RIMBP2: variants seen among roughly 807,000 people sequenced by gnomAD.
RIMBP2 encodes RIMS-binding protein 2.
A neutral mutation model predicts 118.6 loss-of-function variants in RIMBP2; 48 were observed. That is an observed-to-expected ratio of 0.40 (90% CI 0.32 to 0.51). The LOEUF (loss-of-function observed/expected upper bound fraction) is 0.51, where lower values mean the gene tolerates loss of function less well. Ranked by LOEUF, RIMBP2 falls within the 20% of genes least tolerant of loss-of-function variation. The pLI is 0.41. For missense variants in RIMBP2, 1,551 were observed against 1,768.3 expected (o/e 0.88, Z 2.20); for synonymous variants, 762 against 742.9 (o/e 1.03, Z -0.42).
Position 130,456,545 on chromosome 12 carries a change from G to T in RIMBP2, c.309C>A (p.Ser103Arg), listed in dbSNP as rs1051427511. ...CATTCATGAACTGTGGGAAAGGCTT[G>T]CTGGGGGCCGTGGAGATGTCCAGGG... ...VAPLDISTAP[S>R]KPFPQFMNGL... Residue 103 changes from serine to arginine, a missense_variant, in exon 7 of 23, where the codon AGC becomes AGA. Ser to Arg is a moderately radical substitution (Grantham distance 110). Around this residue, in one of 5 missense-constraint regions of RIMBP2, gnomAD observed 239 missense variants for 256.8 expected, o/e 0.93. Coordinates refer to ENST00000690449, the MANE Select transcript of RIMBP2 (RefSeq NM_001393629.1). 1.4e-5 allele frequency: 22 copies of T among 1,610,130 alleles called. No individual in the cohort carries two copies. Among genetic ancestry groups the T allele is most frequent in the Non-Finnish European group, 1.9e-5 (22 of 1,177,018 alleles).
chr12:130,583,812 TCATCACCA>T, intron 2 of RIMBP2, among the ~76,000 whole-genome samples: 1 of 86,436 alleles, frequency 1.2e-5, no homozygotes, highest in Non-Finnish European at 2.2e-5. Flanking sequence ...CGCCATCACC[TCATCACCA>T]CCACCCCCAT....
At position 130,622,467 on chromosome 12, in the gene RIMBP2, TCTA is replaced by T. The variant is rs1334959278; in HGVS notation, c.-217+5852_-217+5854del. On this transcript the variant is annotated intron_variant, in intron 2 of 22. Transcript: ENST00000690449. The surrounding 1 kb of genome is among the most constrained non-coding windows in gnomAD (Gnocchi z 8.5). ...TATTCACTAATTGTACGTATAATTC[TCTA>T]CTATTTTTCATATATTTATATATAA... Among the ~76,000 whole-genome samples, 7 of 152,172 alleles carry T rather than the reference TCTA, an allele frequency of 4.6e-5. No individual in the cohort carries two copies. The South Asian group carries it at 6.2e-4, about 14-fold the overall frequency.
At chr12:130,685,883 G>T (rs1040315291) in intron 1 of RIMBP2, among the ~76,000 whole-genome samples, 2 of 152,120 alleles carry the variant, frequency 1.3e-5, no homozygotes, top group Non-Finnish European at 2.9e-5. Context: ...AACAAAATGC[G>T]CATCAGCCAA....
intron 4 of RIMBP2, among the ~76,000 whole-genome samples, chr12:130,482,861 C>T (rs1204842584): frequency 4.8e-4 from 50 of 103,850 alleles, no homozygotes; most frequent in African/African-American, 5.2e-4. Context: ...CATCCAAATA[C>T]ACCCATTGTG....
intron 20 of RIMBP2, among the ~76,000 whole-genome samples, chr12:130,407,306 A>G (rs4759457): frequency 0.89 from 135,746 of 152,252 alleles, 61,008 homozygotes; most frequent in East Asian, 1. Flanking sequence ...AAGCTGTGCC[A>G]GGCGACACAA....
At chr12:130,407,560 C>T (rs1199346377) in intron 20 of RIMBP2, among the ~76,000 whole-genome samples, 166 bp downstream of exon 20, 2 of 152,188 alleles carry the variant, frequency 1.3e-5, no homozygotes, top group Admixed American at 6.5e-5. Context: ...TTCTCTCCTG[C>T]GTGGCCATGT....
Position 130,424,514 on chromosome 12 carries a change from G to A in RIMBP2, c.2757C>T (p.Ser919=), listed in dbSNP as rs773294060. ...CCTCTTCACTCCCACAGTCCAGGCCGCTGTCCGGGCTCCGGGTGGCCGAGC... is the reference window on the plus strand; with the variant it reads ...CCTCTTCACTCCCACAGTCCAGGCCACTGTCCGGGCTCCGGGTGGCCGAGC... ...FSRSATRSPD[S]GLDCGSEEDE... is the part of the protein sequence containing the mutation. The change falls in exon 16 of 23, where the codon AGC becomes AGT. Residue 919 remains serine (S), a synonymous_variant. Coordinates refer to ENST00000690449, the MANE Select transcript of RIMBP2 (RefSeq NM_001393629.1). The surrounding 1 kb of genome is among the most constrained non-coding windows in gnomAD (Gnocchi z 9.8). 1.5e-4 allele frequency: 188 copies of A among 1,231,864 alleles called. No homozygotes were observed. Among genetic ancestry groups the A allele is most frequent in the Admixed American group, 2.5e-4 (6 of 23,704 alleles). The allele number at this position is 1,231,864 out of a possible 1,614,324, so 76.3% of individuals were successfully genotyped here.
At chr12:130,451,660 A>T (rs969495830) in intron 7 of RIMBP2, among the ~76,000 whole-genome samples, 1 of 151,770 alleles carries the variant, frequency 6.6e-6, no homozygotes, top group African/African-American at 2.4e-5. Flanking sequence ...CTTAAAATTG[A>T]GCAGCTGTGA....
intron 2 of RIMBP2, among the ~76,000 whole-genome samples, chr12:130,532,314 T>C (rs559460487): frequency 1.9e-4 from 28 of 147,712 alleles, no homozygotes; most frequent in African/African-American, 6.8e-4. Flanking sequence ...GATGCGTGTG[T>C]TTAGCCTCTA....
In RIMBP2 at chr12:130,493,589, C is replaced by T. The variant is rs2048850934; in HGVS notation, c.-4+13059G>A. ...CTCAACCTCCCAAAGTGCTGGGATTCCAGGCGGGAGCCACCATGCCCAGCC... is the reference window on the plus strand; with the variant it reads ...CTCAACCTCCCAAAGTGCTGGGATTTCAGGCGGGAGCCACCATGCCCAGCC... On this transcript the variant is annotated intron_variant, in intron 4 of 22. Coordinates refer to ENST00000690449, the MANE Select transcript of RIMBP2 (RefSeq NM_001393629.1). Among the ~76,000 whole-genome samples, 6 of 152,148 alleles carry T rather than the reference C, an allele frequency of 3.9e-5. No individual in the cohort carries two copies. The South Asian group carries it at 1.0e-3, about 26-fold the overall frequency.
intron 7 of RIMBP2, 39 bp downstream of exon 7, chr12:130,456,457 C>T: frequency 1.3e-6 from 2 of 1,521,484 alleles, no homozygotes; most frequent in East Asian, 2.3e-5. Context: ...CGGCCATTCT[C>T]TCCCCACCAC....
chr12:130,403,471 T>C (rs2074852616), intron 21 of RIMBP2, among the ~76,000 whole-genome samples: 1 of 152,226 alleles, frequency 6.6e-6, no homozygotes, highest in African/African-American at 2.4e-5. Flanking sequence ...AAGCCCATTG[T>C]TTCTACATGT....
chr12:130,641,350 CCGG>C, intron 1 of RIMBP2, among the ~76,000 whole-genome samples: 1 of 145,914 alleles, frequency 6.9e-6, no homozygotes, highest in East Asian at 2.1e-4. Flanking sequence ...ATGGTGACTG[CCGG>C]ACACTCGGCC....
intron 4 of RIMBP2, among the ~76,000 whole-genome samples, chr12:130,481,670 C>T (rs2082022039): frequency 6.6e-6 from 1 of 152,234 alleles, no homozygotes; most frequent in Non-Finnish European, 1.5e-5. Context: ...GTGTCGCGGT[C>T]AGTGGCCCTC....
At chr12:130,610,709 C>T (rs924589780) in intron 2 of RIMBP2, among the ~76,000 whole-genome samples, 15 of 151,272 alleles carry the variant, frequency 9.9e-5, no homozygotes, top group African/African-American at 3.6e-4. Flanking sequence ...TACAGGCGCC[C>T]GCTACCACGC....
rs1949789913 is a variant in RIMBP2, at chr12:130,710,023, T to C, written c.-352+6199A>G. Among the ~76,000 whole-genome samples, 2 of 152,084 alleles carry C rather than the reference T, an allele frequency of 1.3e-5. No individual in the cohort carries two copies. The highest frequency in any genetic ancestry group is 3.9e-4 in the East Asian group (2 of 5,166). ...ATGGAAATGACAAAAAGTACACCAC[T>C]GGCCCCCTGGTTTCCGGGTATCCCT... On this transcript the variant is annotated intron_variant, in intron 1 of 22. Transcript: ENST00000690449. This position sits in a 1 kb window ranked among gnomAD's most constrained non-coding sequence, Gnocchi z 4.3.
intron 2 of RIMBP2, among the ~76,000 whole-genome samples, chr12:130,615,467 C>T (rs1245567132): frequency 6.6e-6 from 1 of 151,740 alleles, no homozygotes; most frequent in Non-Finnish European, 1.5e-5. Context: ...CCTGCCACCA[C>T]ACCTGGCTAA....
intron 4 of RIMBP2, among the ~76,000 whole-genome samples, chr12:130,483,910 C>T (rs1012626562): frequency 3.3e-5 from 5 of 151,852 alleles, no homozygotes; most frequent in South Asian, 2.1e-4. Context: ...CACCTAGACA[C>T]GGTGCCCGGA....
chr12:130,680,633 C>T (rs2064737190), intron 1 of RIMBP2, among the ~76,000 whole-genome samples: 1 of 152,224 alleles, frequency 6.6e-6, no homozygotes, highest in Non-Finnish European at 1.5e-5. Flanking sequence ...CTCATACACA[C>T]AGGAAGCATT....
Sources: gnomAD v4.1 joint callset for allele counts (sites outside exome capture counted in the v4.1 genomes callset) on GRCh38, gnomAD v4.1.1 for gene constraint, gnomAD v4.1.1 regional missense constraint, Gnocchi (gnomAD v3.1) non-coding constraint, MANE v1.5 for transcripts, NCBI Gene and HGNC (gene_info 2026-07-23, HGNC 2026-07-21) for gene names.